Variants in FRMD4A observed in about 807,000 individuals in gnomAD.
FRMD4A encodes FERM domain-containing protein 4A.
FRMD4A carries 29 observed loss-of-function variants against 129.1 expected under a neutral mutation model. The ratio of observed to expected loss-of-function variants is 0.22; its 90% CI spans 0.17 to 0.31. The LOEUF (loss-of-function observed/expected upper bound fraction) is 0.31. FRMD4A is among the 10% of genes least tolerant of loss of function. The pLI is 1.00. For missense variants in FRMD4A, 1,272 were observed against 1,375.8 expected, an observed-to-expected ratio of 0.92 and a Z score of 1.19; for synonymous variants, 634 against 571.6, an observed-to-expected ratio of 1.11 and a Z score of -1.56.
At chr10:13,867,767 AATATG>A (rs1409775473) in intron 2 of FRMD4A, among the ~76,000 whole-genome samples, 2 of 127,164 alleles carry the variant, frequency 1.6e-5, no homozygotes, top group Non-Finnish European at 1.6e-5. Flanking sequence ...TATATAATAT[AATATG>A]ATATATAATA....
At chr10:13,985,818 A>G (rs1017936182) in intron 2 of FRMD4A, among the ~76,000 whole-genome samples, 2 of 152,228 alleles carry the variant, frequency 1.3e-5, no homozygotes, top group Non-Finnish European at 2.9e-5. Context: ...TCACTAGCGT[A>G]CAGCCGCCCT....
intron 2 of FRMD4A, among the ~76,000 whole-genome samples, chr10:14,184,388 A>C (rs1421393268): frequency 6.0e-5 from 9 of 150,542 alleles, no homozygotes; most frequent in Non-Finnish European, 7.4e-5. Flanking sequence ...GATGGATTAC[A>C]GGCGTGAGCC....
At chr10:14,276,804 C>A (rs1002202397) in intron 2 of FRMD4A, among the ~76,000 whole-genome samples, 1 of 152,212 alleles carries the variant, frequency 6.6e-6, no homozygotes, top group African/African-American at 2.4e-5. Context: ...ACACTACTCA[C>A]ATTTGTGGCA....
At chr10:14,188,394 T>C (rs1457022235) in intron 2 of FRMD4A, among the ~76,000 whole-genome samples, 2 of 152,232 alleles carry the variant, frequency 1.3e-5, no homozygotes, top group Admixed American at 1.3e-4. Flanking sequence ...CTTCTCATTA[T>C]ACAAGCTCTT....
At position 14,218,904 on chromosome 10, in the gene FRMD4A, G is replaced by A. The variant is rs866309356; in HGVS notation, c.45+111154C>T. ...CAGGAGCCAGAGGTTGCAGTGAGCC[G>A]AGATTGCACCACTGCACTCCAGCCT... On this transcript the variant is annotated intron_variant, in intron 2 of 24. Transcript: ENST00000357447. Among the ~76,000 whole-genome samples, 72 of 127,372 alleles carry A rather than the reference G, an allele frequency of 5.7e-4. No individual in the cohort carries two copies. In the Middle Eastern group the frequency reaches 0.018, roughly 32 times the overall value. 83.6% of individuals were successfully genotyped at this position (127,372 alleles called of 152,430 possible).
chr10:14,170,464 G>A (rs1841418104), intron 2 of FRMD4A, among the ~76,000 whole-genome samples: 1 of 151,994 alleles, frequency 6.6e-6, no homozygotes, highest in South Asian at 2.1e-4. Context: ...AATGTTCCTC[G>A]AAAAAAGTAT....
At chr10:13,813,921 T>G (rs2093491638) in intron 3 of FRMD4A, among the ~76,000 whole-genome samples, 1 of 152,256 alleles carries the variant, frequency 6.6e-6, no homozygotes, top group African/African-American at 2.4e-5. Flanking sequence ...ATAATTTACC[T>G]GTCCAAATGA....
chr10:13,791,402 G>GGTGT (rs3032915), intron 5 of FRMD4A, among the ~76,000 whole-genome samples: 222 of 150,018 alleles, frequency 1.5e-3, no homozygotes, highest in East Asian at 9.1e-3. Flanking sequence ...AGAAATAAAA[G>GGTGT]GTGTGTGTGT....
intron 2 of FRMD4A, among the ~76,000 whole-genome samples, chr10:14,005,439 G>C (rs1365793625): frequency 6.6e-6 from 1 of 152,182 alleles, no homozygotes; most frequent in Non-Finnish European, 1.5e-5. Flanking sequence ...GGATGTCTAA[G>C]TTGCAGGGTT....
intron 2 of FRMD4A, among the ~76,000 whole-genome samples, chr10:14,299,850 T>C (rs1846128279): frequency 6.6e-6 from 1 of 152,116 alleles, no homozygotes; most frequent in Non-Finnish European, 1.5e-5. Context: ...TTGGCTAAGC[T>C]GAGACCGAAG....
intron 2 of FRMD4A, among the ~76,000 whole-genome samples, chr10:14,284,887 G>T (rs897130365): frequency 4.6e-5 from 7 of 152,138 alleles, no homozygotes; most frequent in African/African-American, 1.4e-4. Flanking sequence ...CCTCTGGGAA[G>T]TCTTCTCTTA....
At chr10:13,949,038 G>A (rs1355881074) in intron 2 of FRMD4A, among the ~76,000 whole-genome samples, 1 of 152,084 alleles carries the variant, frequency 6.6e-6, no homozygotes, top group Non-Finnish European at 1.5e-5. Context: ...GCTACCTAAA[G>A]TATGGGCAGT....
chr10:14,211,084 T>C (rs1018452402), intron 2 of FRMD4A, among the ~76,000 whole-genome samples: 2 of 152,158 alleles, frequency 1.3e-5, no homozygotes, highest in African/African-American at 4.8e-5. Context: ...AAATTTTTAG[T>C]TTAGAAGAAC....
At chr10:14,014,710 C>T (rs774144710) in intron 2 of FRMD4A, among the ~76,000 whole-genome samples, 1 of 152,220 alleles carries the variant, frequency 6.6e-6, no homozygotes, top group Non-Finnish European at 1.5e-5. Context: ...ACCTCACATG[C>T]CCAGGGGCTG....
intron 2 of FRMD4A, among the ~76,000 whole-genome samples, chr10:14,122,232 G>T (rs1838566066): frequency 6.6e-6 from 1 of 152,156 alleles, no homozygotes; most frequent in African/African-American, 2.4e-5. Flanking sequence ...TAACACAAAA[G>T]TAGCCATTGC....
chr10:13,675,302 G>T (rs1011896914), intron 15 of FRMD4A, among the ~76,000 whole-genome samples: 6 of 152,190 alleles, frequency 3.9e-5, no homozygotes, highest in Non-Finnish European at 7.3e-5. Flanking sequence ...ATTATCTTAA[G>T]AAATGTCACA....
At chr10:14,198,394 C>T (rs1054989087) in intron 2 of FRMD4A, among the ~76,000 whole-genome samples, 8 of 151,958 alleles carry the variant, frequency 5.3e-5, no homozygotes, top group African/African-American at 1.2e-4. Context: ...CTTGGCCAGG[C>T]GGAATAGAAA....
At chr10:13,764,001 G>A (rs1400524007) in intron 6 of FRMD4A, among the ~76,000 whole-genome samples, 1 of 152,028 alleles carries the variant, frequency 6.6e-6, no homozygotes, top group East Asian at 1.9e-4. Context: ...CAAAGTGTTG[G>A]GATGATTACA....
intron 2 of FRMD4A, among the ~76,000 whole-genome samples, chr10:14,171,104 G>A (rs1841454873): frequency 6.6e-6 from 1 of 151,572 alleles, no homozygotes; most frequent in Non-Finnish European, 1.5e-5. Flanking sequence ...GAAGTTTGGA[G>A]GATTAAAAAT....
Sources: allele counts gnomAD v4.1 joint callset (sites outside exome capture counted in the v4.1 genomes callset), GRCh38; gene constraint gnomAD v4.1.1; transcripts MANE v1.5; gene names NCBI Gene and HGNC (gene_info 2026-07-23, HGNC 2026-07-21).